Variants in MAGI3 observed in about 807,000 individuals in gnomAD.
MAGI3 encodes the protein membrane associated guanylate kinase, WW and PDZ domain containing 3.
In MAGI3, 43 loss-of-function variants were observed where a neutral mutation model predicts 121.8. That is an observed-to-expected ratio of 0.35 (90% CI 0.28 to 0.46). MAGI3 has a LOEUF of 0.46. Among genes scored for constraint, MAGI3 ranks in the 20% least tolerant of loss-of-function variants. The pLI, the probability that MAGI3 is intolerant of heterozygous loss-of-function variation, is 1.00. For missense variants in MAGI3, 1,547 were observed against 1,797.3 expected (o/e 0.86, Z 2.52); for synonymous variants, 553 against 639.3 (o/e 0.86, Z 2.04).
intron 9 of MAGI3, among the ~76,000 whole-genome samples, chr1:113,634,692 C>T (rs1651889004): frequency 6.6e-6 from 1 of 152,094 alleles, no homozygotes; most frequent in Admixed American, 6.5e-5. Context: ...GTTCTTTTGG[C>T]TTAGGATTGA....
intron 1 of MAGI3, among the ~76,000 whole-genome samples, chr1:113,469,465 A>G (rs186213345): frequency 3.3e-5 from 5 of 151,698 alleles, no homozygotes; most frequent in East Asian, 3.9e-4. Flanking sequence ...AGGCCTTACA[A>G]TCTGCTTTTA....
At chr1:113,585,656 G>C in intron 4 of MAGI3, 60 bp downstream of exon 4, 1 of 1,447,656 alleles carries the variant, frequency 6.9e-7, no homozygotes, top group Non-Finnish European at 9.4e-7. Context: ...CTATTACGTT[G>C]AATTAAAAGC....
intron 9 of MAGI3, among the ~76,000 whole-genome samples, chr1:113,638,198 G>C (rs1652174107): frequency 6.6e-6 from 1 of 152,174 alleles, no homozygotes; most frequent in South Asian, 2.1e-4. Flanking sequence ...GCTCGGAGTA[G>C]TTTGATCGTC....
intron 6 of MAGI3, among the ~76,000 whole-genome samples, chr1:113,613,614 C>G (rs1254917312): frequency 6.6e-6 from 1 of 152,100 alleles, no homozygotes; most frequent in Non-Finnish European, 1.5e-5. Flanking sequence ...GTGTGTGTGT[C>G]TTTCAGCAGA....
chr1:113,517,221 A>C (rs1379605430), intron 1 of MAGI3, among the ~76,000 whole-genome samples: 3 of 151,978 alleles, frequency 2.0e-5, no homozygotes, highest in African/African-American at 4.8e-5. Flanking sequence ...AATATACCAT[A>C]GTAATATAAT....
At chr1:113,523,882 G>A (rs895838331) in intron 1 of MAGI3, among the ~76,000 whole-genome samples, 11 of 152,110 alleles carry the variant, frequency 7.2e-5, no homozygotes, top group African/African-American at 7.2e-5. Context: ...AGACCATTGC[G>A]GCAGCCCCTT....
chr1:113,475,410 C>G (rs970572784), intron 1 of MAGI3, among the ~76,000 whole-genome samples: 1 of 152,152 alleles, frequency 6.6e-6, no homozygotes, highest in Non-Finnish European at 1.5e-5. Context: ...GAGATACGTT[C>G]CATGAATACC....
Position 113,556,919 on chromosome 1 carries a change from A to G in MAGI3, c.433+7288A>G, listed in dbSNP as rs545922905. Among the ~76,000 whole-genome samples the G allele has an allele frequency of 2.0e-5, 3 of 152,352 alleles. No individual in the cohort carries two copies. In the South Asian group the frequency reaches 6.2e-4, roughly 32 times the overall value. ...GCCAATAAACTCAACAACTTAGATGAAATGGACAAATTCTTTAGAAGACAA... is the reference window on the plus strand; with the variant it reads ...GCCAATAAACTCAACAACTTAGATGGAATGGACAAATTCTTTAGAAGACAA... On this transcript the variant is annotated intron_variant, in intron 2 of 20. Transcript: ENST00000307546.
rs769269895 is a variant in MAGI3 at position 113,461,625 on chromosome 1, A to C, written c.316+70276A>C. 1.4e-4 allele frequency among the ~76,000 whole-genome samples: 22 copies of C among 152,200 alleles called. 1 individual carries two copies. The highest frequency in any genetic ancestry group is 2.5e-4 in the Non-Finnish European group (17 of 68,022). On this transcript the variant is annotated intron_variant, in intron 1 of 20. Coordinates refer to ENST00000307546, the MANE Select transcript of MAGI3 (RefSeq NM_001142782.2). ...AAATTCAAAACTATAAAAACCCTGGAAGACAACCAAGGCAATACCATCCTG... is the reference window on the plus strand; with the variant it reads ...AAATTCAAAACTATAAAAACCCTGGCAGACAACCAAGGCAATACCATCCTG...
intron 1 of MAGI3, among the ~76,000 whole-genome samples, chr1:113,406,535 T>C (rs1651693609): frequency 6.7e-6 from 1 of 149,798 alleles, no homozygotes; most frequent in Admixed American, 6.7e-5. Context: ...AAAAAGAAAA[T>C]AGATTTTTGA....
rs139217873 is a variant in MAGI3, at chr1:113,395,840, A to G, written c.316+4491A>G. Among the ~76,000 whole-genome samples, 986 of 152,080 alleles carry G rather than the reference A, an allele frequency of 6.5e-3. 12 individuals are homozygous for G. Among genetic ancestry groups the G allele is most frequent in the African/African-American group, 0.02 (833 of 41,488 alleles). ...TTTAATAATTCTTTAATTTCTTGCTATCTTACTGGTACAAACAAATACTTA... is the reference window on the plus strand; with the variant it reads ...TTTAATAATTCTTTAATTTCTTGCTGTCTTACTGGTACAAACAAATACTTA... On this transcript the variant is annotated intron_variant, in intron 1 of 20. Coordinates refer to ENST00000307546, the MANE Select transcript of MAGI3 (RefSeq NM_001142782.2).
intron 1 of MAGI3, among the ~76,000 whole-genome samples, chr1:113,524,786 T>C (rs535720354): frequency 6.6e-6 from 1 of 152,026 alleles, no homozygotes; most frequent in East Asian, 1.9e-4. Context: ...GAAGACATGA[T>C]TGGTTTTGAA....
intron 1 of MAGI3, among the ~76,000 whole-genome samples, chr1:113,518,304 G>A (rs1277160867): frequency 6.6e-6 from 1 of 152,020 alleles, no homozygotes; most frequent in African/African-American, 2.4e-5. Flanking sequence ...ATTTCTCTGA[G>A]TATGGCTTTA....
intron 9 of MAGI3, among the ~76,000 whole-genome samples, chr1:113,638,648 G>A (rs1315343603): frequency 2.0e-5 from 3 of 152,212 alleles, no homozygotes; most frequent in Admixed American, 6.5e-5. Flanking sequence ...CTACTGGGGG[G>A]TGCCTCCCAG....
chr1:113,536,158 T>TA (rs1557809723), intron 1 of MAGI3, among the ~76,000 whole-genome samples: 5 of 71,416 alleles, frequency 7.0e-5, no homozygotes, highest in African/African-American at 7.1e-5. Context: ...TTTTTTTTTT[T>TA]TAAAAAAATT....
At chr1:113,590,123 G>A (rs1476705732) in intron 4 of MAGI3, among the ~76,000 whole-genome samples, 1 of 152,022 alleles carries the variant, frequency 6.6e-6, no homozygotes, top group Non-Finnish European at 1.5e-5. Flanking sequence ...GGGTTGCTGT[G>A]ATGATTATGA....
intron 4 of MAGI3, among the ~76,000 whole-genome samples, chr1:113,588,793 G>A (rs911296825): frequency 4.6e-5 from 7 of 152,170 alleles, no homozygotes; most frequent in Non-Finnish European, 1.0e-4. Flanking sequence ...CCTTGTTGGA[G>A]TGAGGTCCAG....
chr1:113,492,872 A>G (rs1656736629), intron 1 of MAGI3, among the ~76,000 whole-genome samples: 2 of 152,322 alleles, frequency 1.3e-5, no homozygotes, highest in South Asian at 4.1e-4. Flanking sequence ...GAACTACAAA[A>G]TATTGGTTAA....
chr1:113,629,759 T>TCCCTCTCCCC (rs1335092471), intron 9 of MAGI3, among the ~76,000 whole-genome samples: 10 of 80,508 alleles, frequency 1.2e-4, no homozygotes, highest in Non-Finnish European at 2.7e-4. Context: ...TCTCTCTCTC[T>TCCCTCTCCCC]CTCCCTCCCT....
Sources: allele counts gnomAD v4.1 joint callset (sites outside exome capture counted in the v4.1 genomes callset), GRCh38; gene constraint gnomAD v4.1.1; transcripts MANE v1.5; gene names NCBI Gene and HGNC (gene_info 2026-07-23, HGNC 2026-07-21).